NBAS: variants seen among roughly 807,000 people sequenced by gnomAD.
NBAS encodes the protein NBAS subunit of NRZ tethering complex, also known as NAG/BC035112 fusion.
NBAS carries 219 observed loss-of-function variants against 302.5 expected under a neutral mutation model. The observed-to-expected ratio is 0.72, with a 90% CI of 0.65 to 0.81. NBAS has a LOEUF of 0.81. Ranked by LOEUF, NBAS falls within the 30% of genes least tolerant of loss-of-function variation. NBAS has a pLI of 0.00. For synonymous variants in NBAS, 1,118 were observed against 1,021.6 expected (o/e 1.09, Z -1.80); for missense variants, 2,932 against 2,841.6 (o/e 1.03, Z -0.72).
chr2:14,926,582 T>C, the NBAS span, among the ~76,000 whole-genome samples: 2 of 152,194 alleles, frequency 1.3e-5, no homozygotes, highest in South Asian at 2.1e-4. Flanking sequence ...TAGTCATAAA[T>C]TATGCGTAAC....
chr2:15,545,242 T>C (rs1664051783), intron 6 of NBAS, among the ~76,000 whole-genome samples: 1 of 152,170 alleles, frequency 6.6e-6, no homozygotes, highest in Non-Finnish European at 1.5e-5. Context: ...TGAAAAAAGT[T>C]TAAATTCAGT....
chr2:15,263,124 A>G (rs1668924957), intron 44 of NBAS, among the ~76,000 whole-genome samples: 2 of 152,102 alleles, frequency 1.3e-5, no homozygotes, highest in Non-Finnish European at 2.9e-5. Flanking sequence ...TTCTCCAATC[A>G]TCACAAAAGT....
intron 21 of NBAS, among the ~76,000 whole-genome samples, chr2:15,445,054 G>A (rs1038010481): frequency 3.3e-5 from 5 of 151,444 alleles, no homozygotes; most frequent in Admixed American, 1.3e-4. Flanking sequence ...TACACTGTTG[G>A]TGGGACTGTA....
the NBAS span, among the ~76,000 whole-genome samples, chr2:15,040,598 G>A: frequency 2.4e-4 from 37 of 152,292 alleles, no homozygotes; most frequent in African/African-American, 8.9e-4. Flanking sequence ...AACAGATGTG[G>A]GGCTCAGCAG....
intron 44 of NBAS, among the ~76,000 whole-genome samples, chr2:15,255,841 T>C (rs980222780): frequency 1.8e-4 from 27 of 152,204 alleles, no homozygotes; most frequent in African/African-American, 6.0e-4. Context: ...GTTTGCTTTG[T>C]CAAAGATCAG....
At chr2:15,138,530 G>A in the NBAS span, among the ~76,000 whole-genome samples, 3 of 152,046 alleles carry the variant, frequency 2.0e-5, no homozygotes, top group African/African-American at 2.4e-5. Flanking sequence ...CTTTTATCCC[G>A]GGGAGCAGCC....
the NBAS span, among the ~76,000 whole-genome samples, chr2:14,973,313 C>T: frequency 3.3e-5 from 5 of 152,296 alleles, no homozygotes; most frequent in East Asian, 5.8e-4. Flanking sequence ...GGTGTGACTA[C>T]TGTTGTGCAA....
chr2:14,841,459 A>G, the NBAS span, among the ~76,000 whole-genome samples: 616 of 151,102 alleles, frequency 4.1e-3, 4 homozygotes, highest in African/African-American at 0.014. Flanking sequence ...ATATAGACTG[A>G]AAGTGAAAGG....
chr2:14,800,432 G>A, the NBAS span, among the ~76,000 whole-genome samples: 1 of 152,146 alleles, frequency 6.6e-6, no homozygotes, highest in African/African-American at 2.4e-5. Flanking sequence ...CCAGCCATGT[G>A]GAACTGGAAG....
Position 15,561,169 on chromosome 2 carries a change from G to A in NBAS, c.117+19C>T. 6.2e-7 allele frequency: 1 copy of A among 1,608,970 alleles called. No homozygotes were observed. The highest frequency in any genetic ancestry group is 8.5e-7 in the Non-Finnish European group (1 of 1,176,302). On this transcript the variant is annotated intron_variant, in intron 1 of 51. Transcript: ENST00000281513. ...CGCCCGCGCCAAGCTGGCTGCTGCT[G>A]TAGATGGGCCTGGTTCACCTGTACT...
rs554741196 is a variant in NBAS, at chr2:15,478,651, T to C, written c.1084-362A>G. On this transcript the variant is annotated intron_variant, in intron 12 of 51. Transcript: ENST00000281513. Reference sequence around the variant, plus strand: ...GGATACAGATCTTATCCCAGCCACTTATAAACTGAGCAACCCCTCCAGGCT... The same window carrying C: ...GGATACAGATCTTATCCCAGCCACTCATAAACTGAGCAACCCCTCCAGGCT... Among the ~76,000 whole-genome samples, 347 of 152,312 alleles carry C rather than the reference T, an allele frequency of 2.3e-3. 1 individual carries two copies. Among genetic ancestry groups the C allele is most frequent in the African/African-American group, 8.1e-3 (337 of 41,574 alleles).
chr2:14,807,940 T>C, the NBAS span, among the ~76,000 whole-genome samples: 1 of 152,096 alleles, frequency 6.6e-6, no homozygotes, highest in Non-Finnish European at 1.5e-5. Context: ...CACACACACA[T>C]GCACATATAT....
Position 15,406,103 on chromosome 2 carries a change from TA to T in NBAS, c.2938-3803del, listed in dbSNP as rs71400653. ...AGAAAAACAAATATACAATAACATG[TA>T]AAAAAAAAAAACAAAACAAAAAAAC... On this transcript the variant is annotated intron_variant, in intron 25 of 51. Transcript: ENST00000281513. Among the ~76,000 whole-genome samples the T allele has an allele frequency of 1.3e-4, 15 of 115,052 alleles. 1 individual carries two copies. The highest frequency in any genetic ancestry group is 0.01 in the Middle Eastern group (2 of 200). The allele number at this position is 115,052 out of a possible 152,430, so 75.5% of individuals were successfully genotyped here. A position where few individuals can be genotyped will look rare whatever the true frequency, so the allele number is the denominator to read the frequency against.
chr2:14,935,237 T>A, the NBAS span, among the ~76,000 whole-genome samples: 239 of 152,342 alleles, frequency 1.6e-3, no homozygotes, highest in East Asian at 1.2e-3. Flanking sequence ...TCTGTTTACA[T>A]GCGGGACCTT....
chr2:15,146,571 C>T, the NBAS span, among the ~76,000 whole-genome samples: 2 of 152,110 alleles, frequency 1.3e-5, no homozygotes, highest in East Asian at 1.9e-4. Context: ...ATGAAGGGGA[C>T]AGATGAGCAA....
the NBAS span, among the ~76,000 whole-genome samples, chr2:15,017,054 T>C: frequency 6.6e-6 from 1 of 151,946 alleles, no homozygotes; most frequent in Admixed American, 6.6e-5. Flanking sequence ...TGAAGGATAT[T>C]CACTGTGGAA....
At chr2:15,326,423 C>T (rs77308050) in intron 38 of NBAS, among the ~76,000 whole-genome samples, 4,453 of 152,262 alleles carry the variant, frequency 0.029, 224 homozygotes, top group African/African-American at 0.1. Context: ...TCCGTTATTA[C>T]GCCAAATAAT....
chr2:14,838,693 A>G, the NBAS span, among the ~76,000 whole-genome samples: 1 of 152,008 alleles, frequency 6.6e-6, no homozygotes, highest in Non-Finnish European at 1.5e-5. Flanking sequence ...ATCAACCCCT[A>G]TAGATCTTTG....
the NBAS span, among the ~76,000 whole-genome samples, chr2:15,006,973 A>T: frequency 6.6e-6 from 1 of 152,134 alleles, no homozygotes; most frequent in Admixed American, 6.5e-5. Context: ...TTCACTTAGG[A>T]TCTACTTAAA....
Sources: gnomAD v4.1 joint callset for allele counts (sites outside exome capture counted in the v4.1 genomes callset) on GRCh38, gnomAD v4.1.1 for gene constraint, MANE v1.5 for transcripts, NCBI Gene and HGNC (gene_info 2026-07-23, HGNC 2026-07-21) for gene names.